Variants in EXOSC3 observed in about 807,000 individuals in gnomAD.
EXOSC3 encodes exosome complex component RRP40.
A neutral mutation model predicts 25.1 loss-of-function variants in EXOSC3; 18 were observed. That is an observed-to-expected ratio of 0.72 (90% CI 0.50 to 1.06). EXOSC3 has a LOEUF of 1.06. Among genes scored for constraint, EXOSC3 ranks in the 50% least tolerant of loss-of-function variants. The probability of loss-of-function intolerance (pLI) is 0.00; values close to 1 mark genes in which losing one functional copy is unlikely to be tolerated. For synonymous variants in EXOSC3, 165 were observed against 132.2 expected (o/e 1.25, Z -1.70); for missense variants, 382 against 350.9 (o/e 1.09, Z -0.71).
rs1330065411 is a variant in EXOSC3, at chr9:37,780,801, T to C, written c.706A>G (p.Arg236Gly). The C allele has an allele frequency of 1.2e-6, 2 of 1,613,844 alleles. No individual in the cohort carries two copies. Among genetic ancestry groups the C allele is most frequent in the East Asian group, 4.5e-5 (2 of 44,890 alleles). ...ATGGTTTTTGCCTTAACCCATATTC[T>C]TCCATTCATTCCAAATACTATCTCC... ...PLEIVFGMNG[R>G]IWVKAKTIQQ... is the part of the protein sequence containing the mutation. The change falls in exon 4 of 4, where the codon AGA (arginine) becomes GGA (glycine). Residue 236 changes from arginine (R) to glycine (G), a missense_variant. Coordinates refer to ENST00000327304, the MANE Select transcript of EXOSC3 (RefSeq NM_016042.4).
intron 2 of EXOSC3, among the ~76,000 whole-genome samples, 179 bp from the exon 3 acceptor site, chr9:37,782,316 G>GT (rs1828614283): frequency 6.6e-6 from 1 of 152,204 alleles, no homozygotes; most frequent in Non-Finnish European, 1.5e-5. Flanking sequence ...AGGAACACAT[G>GT]TATCATTCCC....
At position 37,780,798 on chromosome 9, in the gene EXOSC3, T is replaced by G. The variant is rs140199968; in HGVS notation, c.709A>C (p.Ile237Leu). The change falls in exon 4 of 4, where the codon ATA becomes CTA. Residue 237 changes from isoleucine (I) to leucine (L), a missense_variant. Ile to Leu is a conservative substitution (Grantham distance 5). Transcript: ENST00000327304. ...LEIVFGMNGR[I>L]WVKAKTIQQT... The stretch of plus-strand genomic sequence containing the variant: ...TGGATGGTTTTTGCCTTAACCCATA[T>G]TCTTCCATTCATTCCAAATACTATC... 29 of 1,613,892 alleles carry G rather than the reference T, an allele frequency of 1.8e-5. No homozygotes were observed. The South Asian group carries it at 2.6e-4, about 15-fold the overall frequency.
rs1421922620 is a variant in EXOSC3 at position 37,780,100 on chromosome 9, GCTATAATAA to G, written c.*570_*578del. On this transcript the variant is annotated 3_prime_UTR_variant, in exon 4 of 4. Coordinates refer to ENST00000327304, the MANE Select transcript of EXOSC3 (RefSeq NM_016042.4). ...AAGTATATTACAAAGTGGCATATAAGCTATAATAACTATAATTTCAATTTGATGAATATA... is the reference window on the plus strand; with the variant it reads ...AAGTATATTACAAAGTGGCATATAAGCTATAATTTCAATTTGATGAATATA... 3 of 150,508 alleles carry G rather than the reference GCTATAATAA, an allele frequency of 2.0e-5. No individual in the cohort carries two copies. The highest frequency in any genetic ancestry group is 7.6e-5 in the African/African-American group (3 of 39,718). 9.3% of individuals were successfully genotyped at this position (150,508 alleles called of 1,614,324 possible).
chr9:37,781,028 T>C (rs1427044177), intron 3 of EXOSC3, 148 bp from the exon 4 acceptor site: 6 of 671,190 alleles, frequency 8.9e-6, no homozygotes, highest in Non-Finnish European at 1.5e-5. Context: ...GCCTCCTTTC[T>C]TCCAAGAAGG....
At chr9:37,781,545 C>A (rs1198326780) in intron 3 of EXOSC3, among the ~76,000 whole-genome samples, 2 of 151,938 alleles carry the variant, frequency 1.3e-5, no homozygotes, top group African/African-American at 4.8e-5. Context: ...CAGAAGCCTT[C>A]TGTGAATGTC....
In EXOSC3 at chr9:37,780,482, G is replaced by A. The variant is rs117073203; in HGVS notation, c.*197C>T. On this transcript the variant is annotated 3_prime_UTR_variant, in exon 4 of 4. Transcript: ENST00000327304. ...GTTTTTTAGTAAACTTTATTGTACC[G>A]AACAAAAAAAATGATTTTGCAATGA... 9,818 of 564,876 alleles carry A rather than the reference G, an allele frequency of 0.017. 139 individuals are homozygous for A. The highest frequency in any genetic ancestry group is 0.04 in the East Asian group (1,327 of 33,450). The allele number at this position is 564,876 out of a possible 1,614,324, so 35.0% of individuals were successfully genotyped here. A position where few individuals can be genotyped will look rare whatever the true frequency, so the allele number is the denominator to read the frequency against.
intron 2 of EXOSC3, 100 bp downstream of exon 2, chr9:37,783,814 T>C (rs1343771433): frequency 1.5e-6 from 2 of 1,325,750 alleles, no homozygotes. Context: ...CTCAGAGATC[T>C]AGGTCATGCT....
At position 37,780,833 on chromosome 9, in the gene EXOSC3, T is replaced by C. The variant is rs546917405; in HGVS notation, c.674A>G (p.Tyr225Cys). ...CATTCCAAATACTATCTCCAGTGGA[T>C]AGAGTTTTCCCACTTCCTGTATGAT... ...CEIIQEVGKL[Y>C]PLEIVFGMNG... is the part of the protein sequence containing the mutation. Residue 225 changes from tyrosine (Y) to cysteine (C), a missense_variant, in exon 4 of 4, where the codon TAT becomes TGT. By Grantham distance (194) the Tyr-to-Cys change is radical. Transcript: ENST00000327304. 24 of 1,613,716 alleles carry C rather than the reference T, an allele frequency of 1.5e-5. No homozygotes were observed. The highest frequency in any genetic ancestry group is 1.7e-4 in the Middle Eastern group (1 of 6,060).
chr9:37,782,026 C>T lies in EXOSC3; in HGVS notation c.586G>A (p.Asp196Asn), dbSNP rs1828607203. 3 of 1,613,968 alleles carry T rather than the reference C, an allele frequency of 1.9e-6. No individual in the cohort carries two copies. Among genetic ancestry groups the T allele is most frequent in the African/African-American group, 1.3e-5 (1 of 74,946 alleles). The change falls in exon 3 of 4, where the codon GAT becomes AAT. Residue 196 changes from aspartate to asparagine, a missense_variant. Asp to Asn is a conservative substitution (Grantham distance 23). Transcript: ENST00000327304. ...AGAGTCACTTTAAAAAGCAGACCAT[C>T]CTGTCCAATGACACCCATTCCATTG... ...RANGMGVIGQDGLLFKVTLGL... is the reference protein window; with the variant it reads ...RANGMGVIGQNGLLFKVTLGL...
rs562414869 is a variant in EXOSC3 at position 37,783,562 on chromosome 9, A to G, written c.474+352T>C. On this transcript the variant is annotated intron_variant, in intron 2 of 3. Transcript: ENST00000327304. The stretch of plus-strand genomic sequence containing the variant: ...GATGGATGGATAGCTGATAATGTCA[A>G]TTTGCACCACCTGTCCCTCCTCTAA... Among the ~76,000 whole-genome samples, 13 of 152,258 alleles carry G rather than the reference A, an allele frequency of 8.5e-5. No individual in the cohort carries two copies. The South Asian group carries it at 2.1e-3, about 24-fold the overall frequency.
rs1477698046 is a variant in EXOSC3 at position 37,780,737 on chromosome 9, C to G, written c.770G>C (p.Cys257Ser). Residue 257 changes from cysteine (C) to serine (S), a missense_variant, in exon 4 of 4, where the codon TGT becomes TCT. Transcript: ENST00000327304. ...TCTTTGATCTGACGTCATGTGTTCACAAGCTTCTAAAATGTTTGCCAAAAT... is the reference window on the plus strand; with the variant it reads ...TCTTTGATCTGACGTCATGTGTTCAGAAGCTTCTAAAATGTTTGCCAAAAT... ...TLILANILEA[C>S]EHMTSDQRKQ... 6.2e-7 allele frequency: 1 copy of G among 1,613,892 alleles called. No homozygotes were observed. The highest frequency in any genetic ancestry group is 1.3e-5 in the African/African-American group (1 of 74,916).
At position 37,780,123 on chromosome 9, in the gene EXOSC3, TTGATGAATA is replaced by T. The variant is rs1438595813; in HGVS notation, c.*547_*555del. 6.6e-6 allele frequency: 1 copy of T among 152,578 alleles called. No homozygotes were observed. The highest frequency in any genetic ancestry group is 2.4e-5 in the African/African-American group (1 of 41,450). The allele number at this position is 152,578 out of a possible 1,614,324, so 9.5% of individuals were successfully genotyped here. A position where few individuals can be genotyped will look rare whatever the true frequency, so the allele number is the denominator to read the frequency against. On this transcript the variant is annotated 3_prime_UTR_variant, in exon 4 of 4. Transcript: ENST00000327304. Reference sequence around the variant, plus strand: ...AAGCTATAATAACTATAATTTCAATTTGATGAATATAGAGAATGTAGGCCAAGTTAAATT... The same window carrying T: ...AAGCTATAATAACTATAATTTCAATTTAGAGAATGTAGGCCAAGTTAAATT...
Position 37,781,001 on chromosome 9 carries a change from A to G in EXOSC3, c.627-121T>C, listed in dbSNP as rs1211415779. 5 of 792,140 alleles carry G rather than the reference A, an allele frequency of 6.3e-6. No homozygotes were observed. The African/African-American group carries it at 8.7e-5, about 14-fold the overall frequency. The allele number at this position is 792,140 out of a possible 1,614,324, so 49.1% of individuals were successfully genotyped here. A position where few individuals can be genotyped will look rare whatever the true frequency, so the allele number is the denominator to read the frequency against. On this transcript the variant is annotated intron_variant, in intron 3 of 3. Transcript: ENST00000327304. The stretch of plus-strand genomic sequence containing the variant: ...CATAGCTGTTCAACAAGAACAAGGC[A>G]CGTGATGACATTTGCTGCCTCCTTT...
chr9:37,784,056 G>A lies in EXOSC3; in HGVS notation c.332C>T (p.Pro111Leu). Residue 111 changes from proline (P) to leucine (L), a missense_variant, in exon 2 of 4, where the codon CCA becomes CTA. Transcript: ENST00000327304. ...GCCAATCACATGGTCTCCTTTTACT[G>A]GAACATACTACAAAAAGAAACAGAA... ...WVDSQQKRYV[P>L]VKGDHVIGIV... is the part of the protein sequence containing the mutation. 2 of 1,606,540 alleles carry A rather than the reference G, an allele frequency of 1.2e-6. No individual in the cohort carries two copies. The highest frequency in any genetic ancestry group is 1.7e-6 in the Non-Finnish European group (2 of 1,177,266).
chr9:37,783,966 A>G lies in EXOSC3; in HGVS notation c.422T>C (p.Leu141Ser), dbSNP rs756702077. The G allele has an allele frequency of 1.2e-6, 2 of 1,613,784 alleles. No individual in the cohort carries two copies. The highest frequency in any genetic ancestry group is 1.1e-5 in the South Asian group (1 of 91,040). ...TGCACCTTCAAATGACAAGTAAGAC[A>G]AAGAAGCTGGCTCACTCCCTCCAAC... ...VDVGGSEPASLSYLSFEGATK... is the reference protein window; with the variant it reads ...VDVGGSEPASSSYLSFEGATK... Residue 141 changes from leucine to serine, a missense_variant, in exon 2 of 4, where the codon TTG becomes TCG. Leu to Ser is a moderately radical substitution (Grantham distance 145). Transcript: ENST00000327304.
Position 37,785,054 on chromosome 9 carries a change from C to A in EXOSC3, c.-10G>T. On this transcript the variant is annotated 5_prime_UTR_variant, in exon 1 of 4. Coordinates refer to ENST00000327304, the MANE Select transcript of EXOSC3 (RefSeq NM_016042.4). ...ACGCAGGTTCGGCCATCGCGGGCTC[C>A]ACCAAACACCGTTTCCGGTACCCGC... 1 of 1,586,452 alleles carries A rather than the reference C, an allele frequency of 6.3e-7. No individual in the cohort carries two copies. The highest frequency in any genetic ancestry group is 8.6e-7 in the Non-Finnish European group (1 of 1,164,976).
chr9:37,781,007 T>TG, intron 3 of EXOSC3, 127 bp from the exon 4 acceptor site: 1 of 731,628 alleles, frequency 1.4e-6, no homozygotes, highest in East Asian at 2.7e-5. Flanking sequence ...AGGCACGTGA[T>TG]GACATTTGCT....
chr9:37,780,206 T>G lies in EXOSC3; in HGVS notation c.*473A>C, dbSNP rs1317698207. ...GGATAAGTGTCTTCTGCAGTTAGAA[T>G]AAAGGAGTTAATCCATGCAAAACAC... On this transcript the variant is annotated 3_prime_UTR_variant, in exon 4 of 4. Transcript: ENST00000327304. 1 of 156,028 alleles carries G rather than the reference T, an allele frequency of 6.4e-6. No individual in the cohort carries two copies. The highest frequency in any genetic ancestry group is 1.4e-5 in the Non-Finnish European group (1 of 70,620). 9.7% of individuals were successfully genotyped at this position (156,028 alleles called of 1,614,324 possible).
At position 37,784,907 on chromosome 9, in the gene EXOSC3, C is replaced by T. The variant is rs2118981856; in HGVS notation, c.138G>A (p.Gly46=). Residue 46 remains glycine (G), a synonymous_variant, in exon 1 of 4, where the codon GGG becomes GGA. Coordinates refer to ENST00000327304, the MANE Select transcript of EXOSC3 (RefSeq NM_016042.4). ...GGCTCAACGGTCGCTCCACTGCACC[C>T]CCAGGGCCTTCCGCGTCCTCCTGTT... ...LPEQEDAEGP[G]GAVERPLSLN... The T allele has an allele frequency of 6.2e-7, 1 of 1,607,940 alleles. No homozygotes were observed. The highest frequency in any genetic ancestry group is 2.2e-5 in the East Asian group (1 of 44,474).
Sources: gnomAD v4.1 joint callset for allele counts (sites outside exome capture counted in the v4.1 genomes callset) on GRCh38, gnomAD v4.1.1 for gene constraint, MANE v1.5 for transcripts, NCBI Gene and HGNC (gene_info 2026-07-23, HGNC 2026-07-21) for gene names.